Variants in CRISPLD2 observed in about 807,000 individuals in gnomAD.
CRISPLD2 encodes the protein cysteine rich secretory protein LCCL domain containing 2.
CRISPLD2 carries 47 observed loss-of-function variants against 71.1 expected under a neutral mutation model. That is an observed-to-expected ratio of 0.66 (90% CI 0.52 to 0.84). The LOEUF (loss-of-function observed/expected upper bound fraction) is 0.84, where lower values mean the gene tolerates loss of function less well. Ranked by LOEUF, CRISPLD2 falls within the 40% of genes least tolerant of loss-of-function variation. The pLI is 0.00. For missense variants in CRISPLD2, 830 were observed against 651.1 expected (o/e 1.27, Z -2.99); for synonymous variants, 317 against 250.1 (o/e 1.27, Z -2.52).
intron 8 of CRISPLD2, 49 bp from the exon 9 acceptor site, chr16:84,872,393 G>T (rs553761148): frequency 7.0e-7 from 1 of 1,428,468 alleles, no homozygotes; most frequent in African/African-American, 1.4e-5. Context: ...ATTGTGAGAT[G>T]TAATCAACGT....
chr16:84,883,270 G>A (rs1188754923), intron 13 of CRISPLD2, among the ~76,000 whole-genome samples: 1 of 152,222 alleles, frequency 6.6e-6, no homozygotes, highest in East Asian at 1.9e-4. Flanking sequence ...ATTTAGCTAA[G>A]AGATTGATTT....
At chr16:84,831,409 A>AT (rs565075284) in intron 1 of CRISPLD2, among the ~76,000 whole-genome samples, 4 of 151,686 alleles carry the variant, frequency 2.6e-5, no homozygotes, top group African/African-American at 9.7e-5. Context: ...CATTTAACAG[A>AT]TTTTTTTTCC....
At chr16:84,857,278 G>T (rs2143239390) in intron 6 of CRISPLD2, among the ~76,000 whole-genome samples, 1 of 152,338 alleles carries the variant, frequency 6.6e-6, no homozygotes, top group East Asian at 1.9e-4. Context: ...GAAAGAGATT[G>T]AGTGGTGTCC....
intron 14 of CRISPLD2, among the ~76,000 whole-genome samples, chr16:84,894,236 T>G (rs1302336976): frequency 1.3e-5 from 2 of 152,214 alleles, no homozygotes; most frequent in African/African-American, 4.8e-5. Flanking sequence ...GGAAGAGCTT[T>G]CAATACTGGG....
chr16:84,868,460 AC>A (rs1917602589), intron 7 of CRISPLD2, among the ~76,000 whole-genome samples: 1 of 151,870 alleles, frequency 6.6e-6, no homozygotes. Flanking sequence ...CATCCTCCCT[AC>A]CCTCTCAGGA....
intron 13 of CRISPLD2, among the ~76,000 whole-genome samples, chr16:84,885,494 C>T (rs2071604601): frequency 6.6e-6 from 1 of 152,216 alleles, no homozygotes; most frequent in Non-Finnish European, 1.5e-5. Context: ...ATTCCTGTGT[C>T]CTGTGCTGAC....
chr16:84,877,590 C>G, intron 12 of CRISPLD2, 80 bp downstream of exon 12: 1 of 1,328,106 alleles, frequency 7.5e-7, no homozygotes, highest in Non-Finnish European at 1.1e-6. Flanking sequence ...TGGCTCACAG[C>G]TGTAATCCCA....
intron 6 of CRISPLD2, among the ~76,000 whole-genome samples, chr16:84,863,972 A>AG (rs1328208548): frequency 1.0e-4 from 15 of 148,718 alleles, no homozygotes; most frequent in Admixed American, 6.0e-4. Flanking sequence ...AAAAAAAAAA[A>AG]AAAGAAAGAA....
chr16:84,863,982 A>G (rs866480748), intron 6 of CRISPLD2, among the ~76,000 whole-genome samples: 14 of 144,458 alleles, frequency 9.7e-5, no homozygotes, highest in South Asian at 4.5e-4. Flanking sequence ...AAAAGAAAGA[A>G]AGAGAGAGAG....
At chr16:84,903,568 G>A (rs926998905) in intron 14 of CRISPLD2, among the ~76,000 whole-genome samples, 3 of 151,254 alleles carry the variant, frequency 2.0e-5, no homozygotes, top group African/African-American at 7.3e-5. Context: ...CTCCAGCCTG[G>A]GCAACAGGGC....
intron 6 of CRISPLD2, among the ~76,000 whole-genome samples, chr16:84,858,710 C>A (rs1377043427): frequency 1.3e-5 from 2 of 152,192 alleles, no homozygotes; most frequent in Non-Finnish European, 2.9e-5. Context: ...AATTGATATA[C>A]CCCTGAGCTT....
chr16:84,844,477 T>C (rs1014192141), intron 2 of CRISPLD2, among the ~76,000 whole-genome samples: 3 of 151,024 alleles, frequency 2.0e-5, no homozygotes, highest in African/African-American at 7.3e-5. Context: ...TTTTCTTTTC[T>C]TTTCTTTCTT....
chr16:84,872,715 C>T (rs905163215), intron 9 of CRISPLD2, among the ~76,000 whole-genome samples: 3 of 152,154 alleles, frequency 2.0e-5, no homozygotes, highest in African/African-American at 7.2e-5. Context: ...GGCCAGTCTC[C>T]GTCTTAGACT....
At chr16:84,876,146 A>T (rs2071516407) in intron 11 of CRISPLD2, among the ~76,000 whole-genome samples, 1 of 152,228 alleles carries the variant, frequency 6.6e-6, no homozygotes, top group Non-Finnish European at 1.5e-5. Context: ...AGAGTTGATT[A>T]ATCTTGACAT....
At chr16:84,821,417 T>G (rs1916228481) in intron 1 of CRISPLD2, among the ~76,000 whole-genome samples, 1 of 152,172 alleles carries the variant, frequency 6.6e-6, no homozygotes, top group Non-Finnish European at 1.5e-5. Context: ...GCCACGCAGT[T>G]TACCTGTATT....
intron 6 of CRISPLD2, among the ~76,000 whole-genome samples, chr16:84,863,354 C>G (rs945245839): frequency 3.3e-5 from 5 of 152,204 alleles, no homozygotes; most frequent in African/African-American, 1.2e-4. Flanking sequence ...TCTAGCTAAG[C>G]ACGCAGCAAG....
intron 14 of CRISPLD2, among the ~76,000 whole-genome samples, chr16:84,906,243 C>G (rs1399363796): frequency 1.3e-5 from 2 of 152,072 alleles, no homozygotes; most frequent in African/African-American, 2.4e-5. Flanking sequence ...CCCAAGACAC[C>G]ACTGTTCGGG....
At chr16:84,842,837 G>T (rs1056637849) in intron 2 of CRISPLD2, among the ~76,000 whole-genome samples, 1 of 152,140 alleles carries the variant, frequency 6.6e-6, no homozygotes, top group South Asian at 2.1e-4. Context: ...TCCTCATGGG[G>T]CAGGGAGGCC....
intron 13 of CRISPLD2, among the ~76,000 whole-genome samples, chr16:84,882,605 A>C (rs779203431): frequency 2.0e-5 from 3 of 152,114 alleles, no homozygotes; most frequent in Admixed American, 2.0e-4. Context: ...GGGTTTCACC[A>C]TGTTGGCCAG....
Sources: gnomAD v4.1 joint callset for allele counts (sites outside exome capture counted in the v4.1 genomes callset) on GRCh38, gnomAD v4.1.1 for gene constraint, MANE v1.5 for transcripts, NCBI Gene and HGNC (gene_info 2026-07-23, HGNC 2026-07-21) for gene names.